The following PTPRN2 variants were observed in gnomAD, a reference collection of about 807,000 sequenced individuals.
PTPRN2 encodes the protein receptor-type tyrosine-protein phosphatase N2.
PTPRN2 carries 74 observed loss-of-function variants against 118.8 expected under a neutral mutation model. The ratio of observed to expected loss-of-function variants is 0.62; its 90% confidence interval spans 0.52 to 0.76. The LOEUF is 0.76. Ranked by LOEUF, PTPRN2 falls within the 30% of genes least tolerant of loss-of-function variation. PTPRN2 has a pLI of 0.00. For missense variants in PTPRN2, 1,481 were observed against 1,394.4 expected, an observed-to-expected ratio of 1.06 and a Z score of -0.99; for synonymous variants, 641 against 608.0, an observed-to-expected ratio of 1.05 and a Z score of -0.80.
intron 1 of PTPRN2, among the ~76,000 whole-genome samples, chr7:158,535,885 T>A (rs1825613989): frequency 6.6e-6 from 1 of 150,408 alleles, no homozygotes; most frequent in Non-Finnish European, 1.5e-5. Flanking sequence ...CAGTTTATTT[T>A]TAAAATCTGC....
intron 17 of PTPRN2, among the ~76,000 whole-genome samples, chr7:157,594,316 G>A (rs914797196): frequency 2.6e-5 from 4 of 152,210 alleles, no homozygotes; most frequent in African/African-American, 9.7e-5. Flanking sequence ...TACCAACTCC[G>A]GTGCACAGCG....
chr7:158,453,679 G>A (rs2602176), intron 2 of PTPRN2, among the ~76,000 whole-genome samples: 79,721 of 152,090 alleles, frequency 0.52, 21,172 homozygotes, highest in Non-Finnish European at 0.55. Context: ...CGGCTTTTAA[G>A]TGAACCATAT....
Position 157,881,307 on chromosome 7 carries a change from G to A in PTPRN2, c.1788+17366C>T, listed in dbSNP as rs1056190069. Among the ~76,000 whole-genome samples the A allele has an allele frequency of 6.6e-5, 10 of 151,430 alleles. No homozygotes were observed. Among genetic ancestry groups the A allele is most frequent in the African/African-American group, 2.4e-4 (10 of 41,002 alleles). On this transcript the variant is annotated intron_variant, in intron 12 of 22. Coordinates refer to ENST00000389418, the MANE Select transcript of PTPRN2 (RefSeq NM_002847.5). The surrounding 1 kb of genome is among the most constrained non-coding windows in gnomAD (Gnocchi z 4.7). ...CATTACAGTAAAATGTGGTCATCAG[G>A]GTGAGCCTGATCCCATGTGACTGGC...
Position 157,595,224 on chromosome 7 carries a change from T to G in PTPRN2, c.2496+14A>C. ...TCTTTTCAGAAAGAGAGATTTTAAT[T>G]TAAAAATGTTCACCTGCCAAAAGTC... is the stretch of plus-strand genomic sequence containing the variant. On this transcript the variant is annotated intron_variant, in intron 17 of 22. Transcript: ENST00000389418. 2 of 1,612,870 alleles carry G rather than the reference T, an allele frequency of 1.2e-6. No homozygotes were observed. The highest frequency in any genetic ancestry group is 1.7e-6 in the Non-Finnish European group (2 of 1,178,872).
At chr7:158,439,723 T>C (rs922800072) in intron 2 of PTPRN2, among the ~76,000 whole-genome samples, 3 of 152,204 alleles carry the variant, frequency 2.0e-5, no homozygotes, top group African/African-American at 4.8e-5. Context: ...AGTAAAGATA[T>C]GAAAATCAGT....
rs1230988092 is a variant in PTPRN2, at chr7:158,015,953, G to A, written c.1723+65345C>T. Among the ~76,000 whole-genome samples, 1 of 152,182 alleles carries A rather than the reference G, an allele frequency of 6.6e-6. No individual in the cohort carries two copies. Among genetic ancestry groups the A allele is most frequent in the Non-Finnish European group, 1.5e-5 (1 of 68,026 alleles). ...TCATGTCTTTCCTCACACGTGGCAG[G>A]GACGGCTGTGGGGTCCCAGTGTGTC... is the stretch of plus-strand genomic sequence containing the variant. On this transcript the variant is annotated intron_variant, in intron 11 of 22. Coordinates refer to ENST00000389418, the MANE Select transcript of PTPRN2 (RefSeq NM_002847.5). The surrounding 1 kb of genome is among the most constrained non-coding windows in gnomAD (Gnocchi z 4.2).
intron 5 of PTPRN2, among the ~76,000 whole-genome samples, chr7:158,183,885 T>C (rs1246476111): frequency 6.6e-6 from 1 of 152,190 alleles, no homozygotes; most frequent in East Asian, 1.9e-4. Flanking sequence ...ACAGTGTGAA[T>C]CTTTACACAC....
chr7:158,567,795 A>ACCAAATGGTGAATCC (rs1169064709), intron 1 of PTPRN2, among the ~76,000 whole-genome samples: 1 of 152,060 alleles, frequency 6.6e-6, no homozygotes, highest in Non-Finnish European at 1.5e-5. Flanking sequence ...GGCAGAGAAA[A>ACCAAATGGTGAATCC]CCAAATGGTG....
At chr7:157,748,686 C>A (rs1585371251) in intron 12 of PTPRN2, among the ~76,000 whole-genome samples, 1 of 146,240 alleles carries the variant, frequency 6.8e-6, no homozygotes, top group East Asian at 2.1e-4. Context: ...AGGCCTGCGT[C>A]TATGAGCTGT....
chr7:158,507,331 C>T lies in PTPRN2; in HGVS notation c.113-17546G>A, dbSNP rs187755212. Among the ~76,000 whole-genome samples, 168 of 149,658 alleles carry T rather than the reference C, an allele frequency of 1.1e-3. 1 individual carries two copies. The East Asian group carries it at 0.029, about 26-fold the overall frequency. The stretch of plus-strand genomic sequence containing the variant: ...GAGGACCATCCAGGGGATAGCCCTG[C>T]GCTGGGCAGGAAATCACACACATGG... On this transcript the variant is annotated intron_variant, in intron 1 of 22. Coordinates refer to ENST00000389418, the MANE Select transcript of PTPRN2 (RefSeq NM_002847.5).
chr7:157,965,097 C>T (rs1801826886), intron 11 of PTPRN2, among the ~76,000 whole-genome samples: 1 of 152,132 alleles, frequency 6.6e-6, no homozygotes, highest in Non-Finnish European at 1.5e-5. Flanking sequence ...GATCTCCAGA[C>T]AGGGACCTGA....
intron 17 of PTPRN2, among the ~76,000 whole-genome samples, chr7:157,589,813 C>T (rs558605494): frequency 2.0e-5 from 3 of 152,294 alleles, no homozygotes; most frequent in Admixed American, 1.3e-4. Flanking sequence ...GAAAGTTTTA[C>T]GCACCACCAA....
In PTPRN2 at chr7:157,548,962, C is replaced by T. The variant is rs372540607; in HGVS notation, c.2960G>A (p.Gly987Asp). The change falls in exon 22 of 23, where the codon GGC (glycine) becomes GAC (aspartate). Residue 987 changes from glycine to aspartate, a missense_variant. Around this residue, in one of 3 missense-constraint regions of PTPRN2, gnomAD observed 362 missense variants for 384.1 expected, o/e 0.94. Coordinates refer to ENST00000389418, the MANE Select transcript of PTPRN2 (RefSeq NM_002847.5). ...TLEHLRDQRP[G>D]MVQTKEQFEF... Reference sequence around the variant, plus strand: ...TGACAGTACCTTCGTCTGGACCATGCCGGGTCTCTGGTCCCTCAAGTGCTC... The same window carrying T: ...TGACAGTACCTTCGTCTGGACCATGTCGGGTCTCTGGTCCCTCAAGTGCTC... The T allele has an allele frequency of 3.7e-6, 6 of 1,614,058 alleles. No individual in the cohort carries two copies. The African/African-American group carries it at 8.0e-5, about 22-fold the overall frequency.
At position 157,560,273 on chromosome 7, in the gene PTPRN2, C is replaced by T. The variant is rs552618661; in HGVS notation, c.2902+8629G>A. ...GGTGGGAGACCTGTGAGCTGGTACACTCAGTGAGGACGGCTCCATGCACAG... is the reference window on the plus strand; with the variant it reads ...GGTGGGAGACCTGTGAGCTGGTACATTCAGTGAGGACGGCTCCATGCACAG... On this transcript the variant is annotated intron_variant, in intron 21 of 22. Transcript: ENST00000389418. The surrounding 1 kb of genome is among the most constrained non-coding windows in gnomAD (Gnocchi z 6.7). Among the ~76,000 whole-genome samples, 5 of 152,130 alleles carry T rather than the reference C, an allele frequency of 3.3e-5. No homozygotes were observed. The highest frequency in any genetic ancestry group is 7.2e-5 in the African/African-American group (3 of 41,426).
intron 1 of PTPRN2, among the ~76,000 whole-genome samples, chr7:158,532,478 C>T (rs759874871): frequency 2.6e-5 from 4 of 152,056 alleles, no homozygotes; most frequent in Non-Finnish European, 4.4e-5. Context: ...GAGATTTGCT[C>T]AGACTTTCAG....
At chr7:158,549,328 C>T (rs954643942) in intron 1 of PTPRN2, among the ~76,000 whole-genome samples, 2 of 152,228 alleles carry the variant, frequency 1.3e-5, no homozygotes, top group Non-Finnish European at 2.9e-5. Context: ...GGTCACCCCA[C>T]GTGGACGCCG....
At chr7:157,797,091 G>A (rs942178871) in intron 12 of PTPRN2, among the ~76,000 whole-genome samples, 1 of 152,210 alleles carries the variant, frequency 6.6e-6, no homozygotes, top group African/African-American at 2.4e-5. Flanking sequence ...GGATTCAACT[G>A]CACCGAAATC....
At chr7:158,244,859 T>A (rs1796115932) in intron 3 of PTPRN2, among the ~76,000 whole-genome samples, 1 of 151,918 alleles carries the variant, frequency 6.6e-6, no homozygotes, top group Non-Finnish European at 1.5e-5. Flanking sequence ...GGGGGGCGTG[T>A]GTTATATAAA....
At chr7:158,480,345 A>C (rs1002306300) in intron 2 of PTPRN2, among the ~76,000 whole-genome samples, 1 of 152,146 alleles carries the variant, frequency 6.6e-6, no homozygotes, top group Admixed American at 6.5e-5. Flanking sequence ...AGTGAGCATA[A>C]CTGATCAATG....
Sources: gnomAD v4.1 joint callset for allele counts (sites outside exome capture counted in the v4.1 genomes callset) on GRCh38, gnomAD v4.1.1 for gene constraint, gnomAD v4.1.1 regional missense constraint, Gnocchi (gnomAD v3.1) non-coding constraint, MANE v1.5 for transcripts, NCBI Gene and HGNC (gene_info 2026-07-23, HGNC 2026-07-21) for gene names.